The following TEX22 variants were observed in gnomAD, a reference collection of about 807,000 sequenced individuals.
TEX22 encodes testis expressed 22, also known as testis-expressed protein 22.
Under a neutral mutation model 11.3 loss-of-function variants are expected in TEX22, and 16 were observed. The observed-to-expected ratio is 1.42, with a 90% CI of 0.96 to 2.15. The LOEUF is 2.15. Ranked by LOEUF, TEX22 falls within the 30% of genes most tolerant of loss-of-function variation. The pLI is 0.00. For synonymous variants in TEX22, 97 were observed against 92.3 expected, an observed-to-expected ratio of 1.05 and a Z score of -0.29; for missense variants, 220 against 208.6, an observed-to-expected ratio of 1.05 and a Z score of -0.34.
intron 2 of TEX22, among the ~76,000 whole-genome samples, chr14:105,409,658 A>G (rs1316612353): frequency 2.0e-5 from 3 of 151,452 alleles, no homozygotes; most frequent in Non-Finnish European, 2.9e-5. Context: ...GATTATAGCT[A>G]CTGTGCCCAG....
At position 105,406,241 on chromosome 14, in the gene TEX22, A is replaced by G. The variant is rs142243110; in HGVS notation, c.151-5127A>G. ...GCCAAACACAAAATCCTTGAAGGAA[A>G]AGCCTGACAAATCTAACTACAGAGT... On this transcript the variant is annotated intron_variant, in intron 2 of 3. Transcript: ENST00000451127. Among the ~76,000 whole-genome samples, 879 of 152,350 alleles carry G rather than the reference A, an allele frequency of 5.8e-3. 13 individuals carry two copies. Among genetic ancestry groups the G allele is most frequent in the African/African-American group, 0.02 (819 of 41,576 alleles).
intron 2 of TEX22, among the ~76,000 whole-genome samples, chr14:105,409,915 C>T (rs1357098243): frequency 6.6e-6 from 1 of 152,128 alleles, no homozygotes; most frequent in East Asian, 1.9e-4. Context: ...GCAAGGACTA[C>T]AGGCATGTGC....
At chr14:105,407,070 T>TTA (rs2081662319) in intron 2 of TEX22, among the ~76,000 whole-genome samples, 2 of 92 alleles carry the variant, frequency 0.022, no homozygotes, top group African/African-American at 0.032. Context: ...AATTTCTTAA[T>TTA]TTTTTTTTTT....
Position 105,411,516 on chromosome 14 carries a change from T to TGCCCCC in TEX22, c.279+20_279+21insGCCCCC, listed in dbSNP as rs2081691201. ...TGCAGGGTGCGCGGGGGGCGGGTCC[T>TGCCCCC]CCCCGCCCCGTCCCCGCCCCGCCCC... On this transcript the variant is annotated intron_variant, in intron 3 of 3. Coordinates refer to ENST00000451127, the MANE Select transcript of TEX22 (RefSeq NM_001195082.2). 1 of 1,068,516 alleles carries TGCCCCC rather than the reference T, an allele frequency of 9.4e-7. No individual in the cohort carries two copies. Among genetic ancestry groups the TGCCCCC allele is most frequent in the East Asian group, 4.8e-5 (1 of 20,870 alleles). The allele number at this position is 1,068,516 out of a possible 1,614,324, so 66.2% of individuals were successfully genotyped here.
chr14:105,404,097 G>C (rs1394721658), intron 2 of TEX22, among the ~76,000 whole-genome samples: 5 of 152,244 alleles, frequency 3.3e-5, no homozygotes, highest in Non-Finnish European at 4.4e-5. Context: ...TTTGGTTTGA[G>C]ATCTCTCAGG....
Position 105,411,385 on chromosome 14 carries a change from A to G in TEX22, c.168A>G (p.Glu56=). The change falls in exon 3 of 4, where the codon GAA becomes GAG. Residue 56 remains glutamate (E), a synonymous_variant. Coordinates refer to ENST00000451127, the MANE Select transcript of TEX22 (RefSeq NM_001195082.2). ...TCCCCCAGGTGTGCGAGCCGCCGGA[A>G]CGCAGGCGCCCGGGCCGCCGCTGGA... The part of the protein sequence containing the change: ...QTQDWVCEPP[E]RRRPGRRWSV... 7.5e-7 allele frequency: 1 copy of G among 1,324,620 alleles called. No homozygotes were observed. The highest frequency in any genetic ancestry group is 9.6e-7 in the Non-Finnish European group (1 of 1,037,142). 82.1% of individuals were successfully genotyped at this position (1,324,620 alleles called of 1,614,324 possible). A position where few individuals can be genotyped will look rare whatever the true frequency, so the allele number is the denominator to read the frequency against.
intron 2 of TEX22, among the ~76,000 whole-genome samples, chr14:105,407,842 CTGTCTGCATGGGGGTCCAT>C (rs2081666159): frequency 7.0e-6 from 1 of 142,072 alleles, no homozygotes; most frequent in East Asian, 2.0e-4. Context: ...TTATGGGGGT[CTGTCTGCATGGGGGTCCAT>C]CTGTGTTATG....
At position 105,412,986 on chromosome 14, in the gene TEX22, C is replaced by G. The variant is rs188941418; in HGVS notation, c.*1153C>G. On this transcript the variant is annotated 3_prime_UTR_variant, in exon 4 of 4. Transcript: ENST00000451127. The surrounding 1 kb of genome is among the most constrained non-coding windows in gnomAD (Gnocchi z 5.8). Reference sequence around the variant, plus strand: ...CTGCCCTGACACAGGATCCCTGGCCCGAGTTGAATCCTCTGCACCTGCCTG... The same window carrying G: ...CTGCCCTGACACAGGATCCCTGGCCGGAGTTGAATCCTCTGCACCTGCCTG... 7.2e-3 allele frequency: 1,104 copies of G among 152,628 alleles called. 15 individuals are homozygous for G. Among genetic ancestry groups the G allele is most frequent in the African/African-American group, 0.025 (1,035 of 41,514 alleles). 9.5% of individuals were successfully genotyped at this position (152,628 alleles called of 1,614,324 possible).
chr14:105,411,777 AGTGCGCCTTTCT>A lies in TEX22; in HGVS notation c.399_410del (p.Ser133_Trp137delinsArg). On this transcript the variant is annotated inframe_deletion, in exon 4 of 4. Coordinates refer to ENST00000451127, the MANE Select transcript of TEX22 (RefSeq NM_001195082.2). The stretch of plus-strand genomic sequence containing the variant: ...CGCCTTCCAGGCCTTCCTGGCGCGC[AGTGCGCCTTTCT>A]GGCATAATGCGACTTTCGAGGCCTC... 1 of 1,499,196 alleles carries A rather than the reference AGTGCGCCTTTCT, an allele frequency of 6.7e-7. No homozygotes were observed. Among genetic ancestry groups the A allele is most frequent in the East Asian group, 2.7e-5 (1 of 36,388 alleles). The allele number at this position is 1,499,196 out of a possible 1,614,324, so 92.9% of individuals were successfully genotyped here. A position where few individuals can be genotyped will look rare whatever the true frequency, so the allele number is the denominator to read the frequency against.
chr14:105,406,944 A>G lies in TEX22; in HGVS notation c.151-4424A>G, dbSNP rs188133092. 1.4e-4 allele frequency among the ~76,000 whole-genome samples: 22 copies of G among 151,856 alleles called. No individual in the cohort carries two copies. In the East Asian group the frequency reaches 3.9e-3, roughly 27 times the overall value. ...TAATTTGCACGGTCATGGTTTGGGG[A>G]CCTTTTTCTAAAGATGTATTTAAAG... On this transcript the variant is annotated intron_variant, in intron 2 of 3. Transcript: ENST00000451127.
chr14:105,402,504 C>A (rs587606275), intron 2 of TEX22, among the ~76,000 whole-genome samples: 4 of 152,194 alleles, frequency 2.6e-5, no homozygotes, highest in South Asian at 2.1e-4. Context: ...CCTGTAATCC[C>A]AGCACTTTGG....
At chr14:105,411,537 G>T in intron 3 of TEX22, 41 bp downstream of exon 3, 2 of 107,886 alleles carry the variant, frequency 1.9e-5, no homozygotes, top group Non-Finnish European at 2.1e-5. Context: ...TCCCCGCCCC[G>T]CCCCGCCCCT....
In TEX22 at chr14:105,403,391, T is replaced by C. The variant is rs1417887126; in HGVS notation, c.150+3901T>C. Among the ~76,000 whole-genome samples, 3 of 152,174 alleles carry C rather than the reference T, an allele frequency of 2.0e-5. No individual in the cohort carries two copies. The East Asian group carries it at 5.8e-4, about 29-fold the overall frequency. The stretch of plus-strand genomic sequence containing the variant: ...CTTAGCTGTAAACATCTTAGGTCCG[T>C]GGTTGTGACCTGTAAGGAATGTGCT... On this transcript the variant is annotated intron_variant, in intron 2 of 3. Coordinates refer to ENST00000451127, the MANE Select transcript of TEX22 (RefSeq NM_001195082.2).
chr14:105,401,140 C>T (rs933613462), intron 2 of TEX22, among the ~76,000 whole-genome samples: 1 of 152,206 alleles, frequency 6.6e-6, no homozygotes, highest in Non-Finnish European at 1.5e-5. Context: ...GCCAGGAGAG[C>T]AGGCACATGT....
In TEX22 at chr14:105,413,295, CT is replaced by C. The variant is rs2081706071; in HGVS notation, c.*1463del. On this transcript the variant is annotated 3_prime_UTR_variant, in exon 4 of 4. Transcript: ENST00000451127. The surrounding 1 kb of genome is among the most constrained non-coding windows in gnomAD (Gnocchi z 4.2). The stretch of plus-strand genomic sequence containing the variant: ...TCATGACCCACCCCCTCTGAGGCCC[CT>C]GATGATGATGTGGGGAATGGGATCC... The C allele has an allele frequency of 6.6e-6, 1 of 152,520 alleles. No individual in the cohort carries two copies. The highest frequency in any genetic ancestry group is 1.5e-5 in the Non-Finnish European group (1 of 68,392). The allele number at this position is 152,520 out of a possible 1,614,324, so 9.4% of individuals were successfully genotyped here. A position where few individuals can be genotyped will look rare whatever the true frequency, so the allele number is the denominator to read the frequency against.
intron 2 of TEX22, among the ~76,000 whole-genome samples, chr14:105,402,505 A>G (rs949119844): frequency 2.0e-5 from 3 of 152,112 alleles, no homozygotes; most frequent in Non-Finnish European, 4.4e-5. Context: ...CTGTAATCCC[A>G]GCACTTTGGG....
At chr14:105,404,498 A>C (rs1483687810) in intron 2 of TEX22, among the ~76,000 whole-genome samples, 1 of 152,242 alleles carries the variant, frequency 6.6e-6, no homozygotes, top group Non-Finnish European at 1.5e-5. Context: ...GACAGCTCTC[A>C]CAGGCAGTCA....
chr14:105,408,446 C>T (rs587714926), intron 2 of TEX22, among the ~76,000 whole-genome samples: 1 of 151,880 alleles, frequency 6.6e-6, no homozygotes, highest in South Asian at 2.1e-4. Flanking sequence ...GTTTTTGAGA[C>T]AGAGTCTCGC....
chr14:105,406,397 G>T (rs949085322), intron 2 of TEX22, among the ~76,000 whole-genome samples: 3 of 152,170 alleles, frequency 2.0e-5, no homozygotes, highest in Non-Finnish European at 4.4e-5. Context: ...AAAGCAATGA[G>T]GAAACTATTT....
Sources: gnomAD v4.1 joint callset for allele counts (sites outside exome capture counted in the v4.1 genomes callset) on GRCh38, gnomAD v4.1.1 for gene constraint, Gnocchi (gnomAD v3.1) non-coding constraint, MANE v1.5 for transcripts, NCBI Gene and HGNC (gene_info 2026-07-23, HGNC 2026-07-21) for gene names.